The following INO80 variants were observed in gnomAD, a reference collection of about 807,000 sequenced individuals.
The protein encoded by INO80 is chromatin-remodeling ATPase INO80.
A neutral mutation model predicts 203.4 loss-of-function variants in INO80; 20 were observed. The ratio of observed to expected loss-of-function variants is 0.10; its 90% confidence interval spans 0.07 to 0.14. The LOEUF is 0.14. Among genes scored for constraint, INO80 ranks in the 10% least tolerant of loss-of-function variants. INO80 has a pLI of 1.00. For synonymous variants in INO80, 726 were observed against 685.2 expected (o/e 1.06, Z -0.93); for missense variants, 1,419 against 1,914.4 (o/e 0.74, Z 4.83).
At chr15:41,025,129 C>T (rs1217651171) in intron 25 of INO80, among the ~76,000 whole-genome samples, 1 of 152,212 alleles carries the variant, frequency 6.6e-6, no homozygotes, top group Admixed American at 6.5e-5. Flanking sequence ...CTTTCTCCTG[C>T]TCCCTGCTTG....
intron 1 of INO80, among the ~76,000 whole-genome samples, chr15:41,098,236 TA>T (rs1354408094): frequency 1.3e-5 from 2 of 152,276 alleles, no homozygotes; most frequent in East Asian, 3.9e-4. Flanking sequence ...CTTTCCTATC[TA>T]AAACAGTGTA....
chr15:41,063,406 T>C lies in INO80; in HGVS notation c.1783-3480A>G, dbSNP rs544386162. On this transcript the variant is annotated intron_variant, in intron 14 of 35. Transcript: ENST00000648947. ...CAGGTGCCACAAGTAGAAAAACAATTAGGAAGGAAGACTTAAAACTCAATA... is the reference window on the plus strand; with the variant it reads ...CAGGTGCCACAAGTAGAAAAACAATCAGGAAGGAAGACTTAAAACTCAATA... 2.0e-3 allele frequency among the ~76,000 whole-genome samples: 306 copies of C among 151,808 alleles called. 1 individual carries two copies. The highest frequency in any genetic ancestry group is 3.4e-3 in the Middle Eastern group (1 of 294).
At chr15:41,075,736 G>A (rs1417274257) in intron 9 of INO80, among the ~76,000 whole-genome samples, 1 of 152,122 alleles carries the variant, frequency 6.6e-6, no homozygotes, top group Non-Finnish European at 1.5e-5. Flanking sequence ...TTAAAGGTGT[G>A]AGCCACCATG....
Position 40,987,692 on chromosome 15 carries a change from G to GA in INO80, c.3729+123dup, listed in dbSNP as rs1474845669. The GA allele has an allele frequency of 4.3e-6, 4 of 932,504 alleles. No individual in the cohort carries two copies. In the African/African-American group the frequency reaches 6.6e-5, roughly 15 times the overall value. The allele number at this position is 932,504 out of a possible 1,614,324, so 57.8% of individuals were successfully genotyped here. A position where few individuals can be genotyped will look rare whatever the true frequency, so the allele number is the denominator to read the frequency against. On this transcript the variant is annotated intron_variant, in intron 30 of 35. Transcript: ENST00000648947. ...ACCTGATTTTATTTTCTATTCAGAA[G>GA]AAATTGTAGTTTCGTCAGGACCAAT...
chr15:41,040,006 A>G (rs2044643432), intron 24 of INO80, among the ~76,000 whole-genome samples: 1 of 152,204 alleles, frequency 6.6e-6, no homozygotes, highest in Non-Finnish European at 1.5e-5. Context: ...ACATTTGGGG[A>G]CTACTGACCT....
chr15:41,022,890 C>A (rs1304367879), intron 25 of INO80, among the ~76,000 whole-genome samples: 4 of 152,056 alleles, frequency 2.6e-5, no homozygotes, highest in African/African-American at 9.7e-5. Flanking sequence ...CGCCTAAGGT[C>A]AGGAGTTCAA....
intron 29 of INO80, among the ~76,000 whole-genome samples, chr15:40,993,683 T>G (rs1400908552): frequency 5.9e-5 from 9 of 152,146 alleles, no homozygotes; most frequent in Admixed American, 5.2e-4. Context: ...CACTTGAACC[T>G]GAGAGGTGGA....
chr15:41,050,074 G>A lies in INO80; in HGVS notation c.2303C>T (p.Thr768Ile). 1 of 1,613,272 alleles carries A rather than the reference G, an allele frequency of 6.2e-7. No homozygotes were observed. The highest frequency in any genetic ancestry group is 8.5e-7 in the Non-Finnish European group (1 of 1,179,332). The change falls in exon 20 of 36, where the codon ACC becomes ATC. Residue 768 changes from threonine to isoleucine, a missense_variant. Physicochemically the swap from Thr to Ile is moderately conservative, Grantham distance 89 (BLOSUM62 -1). This residue lies in a region of INO80 where 192 missense variants were observed against 406.7 expected (regional missense o/e 0.47). Coordinates refer to ENST00000648947, the MANE Select transcript of INO80 (RefSeq NM_017553.3). ...CTGATATAGCAGCTTCTGTCGGCTG[G>A]TCAGTTGGCAATACATTAGAATCTC... ...KIEILMYCQL[T>I]SRQKLLYQAL... is the part of the protein sequence containing the mutation.
At chr15:41,047,280 TAACAA>T in intron 23 of INO80, 123 bp downstream of exon 23, 2 of 721,456 alleles carry the variant, frequency 2.8e-6, no homozygotes, top group Non-Finnish European at 2.3e-6. Context: ...ACTTTATTCT[TAACAA>T]AAGAAAATTA....
chr15:41,025,925 T>C (rs2044368611), intron 25 of INO80, among the ~76,000 whole-genome samples: 1 of 152,192 alleles, frequency 6.6e-6, no homozygotes, highest in South Asian at 2.1e-4. Flanking sequence ...TTTAAATGCT[T>C]CCTAGAAAAA....
Position 41,081,217 on chromosome 15 carries a change from T to G in INO80, c.874-144A>C, listed in dbSNP as rs190171789. On this transcript the variant is annotated intron_variant, in intron 7 of 35. Transcript: ENST00000648947. ...ATATTACTTCTATAAGTCATCCAGA[T>G]GTATTGTCTCAACGCCATACATAAA... The G allele has an allele frequency of 3.2e-3, 1,874 of 590,300 alleles. 14 individuals are homozygous for G. Among genetic ancestry groups the G allele is most frequent in the South Asian group, 0.012 (527 of 44,748 alleles). 36.6% of individuals were successfully genotyped at this position (590,300 alleles called of 1,614,324 possible). A position where few individuals can be genotyped will look rare whatever the true frequency, so the allele number is the denominator to read the frequency against.
Position 41,041,329 on chromosome 15 carries a change from G to A in INO80, c.2907+3575C>T, listed in dbSNP as rs571143024. Among the ~76,000 whole-genome samples, 13 of 152,006 alleles carry A rather than the reference G, an allele frequency of 8.6e-5. No homozygotes were observed. The South Asian group carries it at 1.7e-3, about 19-fold the overall frequency. On this transcript the variant is annotated intron_variant, in intron 24 of 35. Transcript: ENST00000648947. Reference sequence around the variant, plus strand: ...TGGTCTCTAACTCCTGGGCTCAAGCGATCATCCCGCCTCAGCCTCCCAAAG... The same window carrying A: ...TGGTCTCTAACTCCTGGGCTCAAGCAATCATCCCGCCTCAGCCTCCCAAAG...
At chr15:41,027,005 C>T (rs1269303406) in intron 25 of INO80, among the ~76,000 whole-genome samples, 1 of 152,174 alleles carries the variant, frequency 6.6e-6, no homozygotes, top group African/African-American at 2.4e-5. Context: ...AATCTGCAAA[C>T]AACAGTGGAC....
Position 41,048,280 on chromosome 15 carries a change from C to T in INO80, c.2577-4G>A, listed in dbSNP as rs992243576. On this transcript the variant is annotated splice_polypyrimidine_tract_variant and splice_region_variant and intron_variant, in intron 21 of 35. Transcript: ENST00000648947. The stretch of plus-strand genomic sequence containing the variant: ...TGGAGAAAGAACCCTTAACCACCTG[C>T]AAAGTAAGTAAATAAAATAAAGCCA... 5 of 1,608,038 alleles carry T rather than the reference C, an allele frequency of 3.1e-6. No homozygotes were observed. In the African/African-American group the frequency reaches 5.3e-5, roughly 17 times the overall value.
At chr15:41,035,644 A>G (rs1209529252) in intron 24 of INO80, among the ~76,000 whole-genome samples, 1 of 151,340 alleles carries the variant, frequency 6.6e-6, no homozygotes, top group Non-Finnish European at 1.5e-5. Flanking sequence ...ACATGGTGAA[A>G]CCCCGTTTCT....
At position 41,046,177 on chromosome 15, in the gene INO80, CTGTG is replaced by C. The variant is rs1444551367; in HGVS notation, c.2736-1106_2736-1103del. On this transcript the variant is annotated intron_variant, in intron 23 of 35. Transcript: ENST00000648947. Reference sequence around the variant, plus strand: ...TGTGTGTGTCTGTGTGTGTGTGTGTCTGTGTGTGTCTCTGTGTGCGTATACATAC... The same window carrying C: ...TGTGTGTGTCTGTGTGTGTGTGTGTCTGTGTCTCTGTGTGCGTATACATAC... Among the ~76,000 whole-genome samples the C allele has an allele frequency of 1.0e-3, 99 of 96,722 alleles. 1 individual carries two copies. The East Asian group carries it at 0.032, about 31-fold the overall frequency. The allele number at this position is 96,722 out of a possible 152,430, so 63.5% of individuals were successfully genotyped here. A position where few individuals can be genotyped will look rare whatever the true frequency, so the allele number is the denominator to read the frequency against.
intron 6 of INO80, 89 bp downstream of exon 6, chr15:41,087,471 ACT>A (rs1183583217): frequency 6.3e-5 from 83 of 1,321,066 alleles, no homozygotes; most frequent in Non-Finnish European, 8.5e-5. Flanking sequence ...TACCATATGG[ACT>A]TATATATAAA....
intron 27 of INO80, among the ~76,000 whole-genome samples, chr15:41,008,348 A>G (rs1477164346): frequency 6.6e-6 from 1 of 152,196 alleles, no homozygotes; most frequent in African/African-American, 2.4e-5. Context: ...CAAATACTGC[A>G]TGGTTCAACT....
In INO80 at chr15:41,047,434, G is replaced by A; in HGVS notation, c.2709C>T (p.Asn903=). 6.2e-7 allele frequency: 1 copy of A among 1,613,484 alleles called. No individual in the cohort carries two copies. Among genetic ancestry groups the A allele is most frequent in the Non-Finnish European group, 8.5e-7 (1 of 1,179,780 alleles). The stretch of plus-strand genomic sequence containing the variant: ...TGGCCAAAAGTCCCTGAAGCATAAG[G>A]TTTGCCATTTCTGCTGGAGATATAT... The part of the protein sequence containing the change: ...FIDISPAEMA[N]LMLQGLLARW... Residue 903 remains asparagine (N), a synonymous_variant, in exon 23 of 36, where the codon AAC becomes AAT. Transcript: ENST00000648947.
Sources: gnomAD v4.1 joint callset for allele counts (sites outside exome capture counted in the v4.1 genomes callset) on GRCh38, gnomAD v4.1.1 for gene constraint, gnomAD v4.1.1 regional missense constraint, MANE v1.5 for transcripts, NCBI Gene and HGNC (gene_info 2026-07-23, HGNC 2026-07-21) for gene names.